Variants in LAMA4 observed in about 807,000 individuals in gnomAD.
LAMA4 encodes laminin subunit alpha-4.
Under a neutral mutation model 207.1 loss-of-function variants are expected in LAMA4, and 127 were observed. The observed-to-expected ratio is 0.61, with a 90% CI of 0.53 to 0.71. LAMA4 has a LOEUF of 0.71. Among genes scored for constraint, LAMA4 ranks in the 30% least tolerant of loss-of-function variants. The pLI is 0.00. For missense variants in LAMA4, 2,093 were observed against 2,246.5 expected (o/e 0.93, Z 1.38); for synonymous variants, 761 against 816.0 (o/e 0.93, Z 1.15).
At chr6:112,197,537 A>G (rs1290782532) in intron 5 of LAMA4, among the ~76,000 whole-genome samples, 1 of 152,236 alleles carries the variant, frequency 6.6e-6, no homozygotes, top group Non-Finnish European at 1.5e-5. Flanking sequence ...AGCTAGGTAG[A>G]AACTCCTTAT....
intron 16 of LAMA4, among the ~76,000 whole-genome samples, chr6:112,152,124 T>C (rs1780438595): frequency 6.6e-6 from 1 of 152,122 alleles, no homozygotes; most frequent in Non-Finnish European, 1.5e-5. Context: ...TTTAATAATA[T>C]CCTTATGTGA....
At position 112,213,075 on chromosome 6, in the gene LAMA4, T is replaced by C. The variant is rs139591824; in HGVS notation, c.297+3293A>G. Reference sequence around the variant, plus strand: ...CATTGTGCCTAGGGTAGGCTGGAAGTTCATCTGGGTGAATTAAATTAATGG... The same window carrying C: ...CATTGTGCCTAGGGTAGGCTGGAAGCTCATCTGGGTGAATTAAATTAATGG... On this transcript the variant is annotated intron_variant, in intron 3 of 38. Coordinates refer to ENST00000230538, the MANE Select transcript of LAMA4 (RefSeq NM_001105206.3). Among the ~76,000 whole-genome samples the C allele has an allele frequency of 2.6e-3, 401 of 152,342 alleles. 2 individuals are homozygous for C. The highest frequency in any genetic ancestry group is 9.2e-3 in the African/African-American group (381 of 41,594).
intron 2 of LAMA4, among the ~76,000 whole-genome samples, chr6:112,249,337 G>T (rs1787249361): frequency 1.3e-5 from 2 of 151,574 alleles, no homozygotes; most frequent in African/African-American, 4.9e-5. Flanking sequence ...CAGCTACTTG[G>T]GAGGCTGAGG....
At chr6:112,216,842 T>A in intron 2 of LAMA4, 1 of 326,462 alleles carries the variant, frequency 3.1e-6, no homozygotes, top group Non-Finnish European at 5.9e-6. Context: ...AATTAAGTAT[T>A]AGTCAGGGTG....
intron 2 of LAMA4, chr6:112,234,644 T>A (rs1785775669): frequency 6.6e-6 from 1 of 150,634 alleles, no homozygotes; most frequent in African/African-American, 2.4e-5. Context: ...CAGATGAAGA[T>A]CTAATGTCAT....
At chr6:112,145,615 C>G (rs1554334380) in intron 18 of LAMA4, among the ~76,000 whole-genome samples, 2 of 152,212 alleles carry the variant, frequency 1.3e-5, no homozygotes, top group African/African-American at 4.8e-5. Context: ...TTTCACCTGT[C>G]TACATCCCTC....
rs1554346970 is a variant in LAMA4 at position 112,187,283 on chromosome 6, A to T, written c.966+167T>A. On this transcript the variant is annotated intron_variant, in intron 8 of 38. Transcript: ENST00000230538. ...AGCTCATAGTTACAATCAACTTTTC[A>T]TAATTTCCTATGAAATTACTTATGT... 6 of 817,500 alleles carry T rather than the reference A, an allele frequency of 7.3e-6. No individual in the cohort carries two copies. The East Asian group carries it at 1.6e-4, about 22-fold the overall frequency. The allele number at this position is 817,500 out of a possible 1,614,324, so 50.6% of individuals were successfully genotyped here.
At chr6:112,130,934 CA>C (rs1554329502) in intron 29 of LAMA4, 33 bp downstream of exon 29, 1 of 1,606,724 alleles carries the variant, frequency 6.2e-7, no homozygotes, top group Non-Finnish European at 8.5e-7. Flanking sequence ...CACAAATAGA[CA>C]TGGTGGAAAG....
At position 112,216,773 on chromosome 6, in the gene LAMA4, T is replaced by C. The variant is rs57283028; in HGVS notation, c.196-304A>G. ...AGAATAAGAAGGTATTACGTAACAG[T>C]AAGGGAGAAAAAAATGCTAATGTTT... On this transcript the variant is annotated intron_variant, in intron 2 of 38. Transcript: ENST00000230538. 8.4e-3 allele frequency: 3,171 copies of C among 377,454 alleles called. 103 individuals are homozygous for C. The highest frequency in any genetic ancestry group is 0.061 in the African/African-American group (2,916 of 48,104). The allele number at this position is 377,454 out of a possible 1,614,324, so 23.4% of individuals were successfully genotyped here.
rs1486353139 is a variant in LAMA4, at chr6:112,153,599, C to A, written c.2056+1252G>T. Among the ~76,000 whole-genome samples, 9 of 152,018 alleles carry A rather than the reference C, an allele frequency of 5.9e-5. 1 individual carries two copies. Among genetic ancestry groups the A allele is most frequent in the African/African-American group, 2.2e-4 (9 of 41,422 alleles). ...ATGACAAGACTGAGAGAATATATTA[C>A]AAGTTATCAAAAAGAATAAAATATT... is the stretch of plus-strand genomic sequence containing the variant. On this transcript the variant is annotated intron_variant, in intron 16 of 38. Transcript: ENST00000230538.
chr6:112,227,348 G>A (rs1174529996), intron 2 of LAMA4, among the ~76,000 whole-genome samples: 2 of 151,942 alleles, frequency 1.3e-5, no homozygotes, highest in South Asian at 2.1e-4. Context: ...GGATTACAGG[G>A]GTGAACCACC....
At position 112,114,204 on chromosome 6, in the gene LAMA4, C is replaced by A. The variant is rs781789940; in HGVS notation, c.5207-9G>T. On this transcript the variant is annotated splice_polypyrimidine_tract_variant and intron_variant, in intron 37 of 38. Coordinates refer to ENST00000230538, the MANE Select transcript of LAMA4 (RefSeq NM_001105206.3). ...ATTAGAATCTCTAATAACTGAAATGCAGGGCAAAGACTGGTCATAAGTGGC... is the reference window on the plus strand; with the variant it reads ...ATTAGAATCTCTAATAACTGAAATGAAGGGCAAAGACTGGTCATAAGTGGC... The A allele has an allele frequency of 6.2e-7, 1 of 1,613,498 alleles. No individual in the cohort carries two copies. Among genetic ancestry groups the A allele is most frequent in the Non-Finnish European group, 8.5e-7 (1 of 1,179,610 alleles).
Position 112,191,845 on chromosome 6 carries a change from G to A in LAMA4, c.509C>T (p.Ala170Val), listed in dbSNP as rs1351676576. 3 of 1,610,444 alleles carry A rather than the reference G, an allele frequency of 1.9e-6. No individual in the cohort carries two copies. The highest frequency in any genetic ancestry group is 1.1e-5 in the South Asian group (1 of 91,022). Reference sequence around the variant, plus strand: ...TAAGGGGTTTCCATAGTAACCGGGAGCACATCTGAAGAGGAATATCACACA... The same window carrying A: ...TAAGGGGTTTCCATAGTAACCGGGAACACATCTGAAGAGGAATATCACACA... ...NYAGPNCERCAPGYYGNPLLI... is the reference protein window; with the variant it reads ...NYAGPNCERCVPGYYGNPLLI... The change falls in exon 6 of 39, where the codon GCT (alanine) becomes GTT (valine). Residue 170 changes from alanine to valine, a missense_variant. Ala to Val is a moderately conservative substitution (Grantham distance 64). Coordinates refer to ENST00000230538, the MANE Select transcript of LAMA4 (RefSeq NM_001105206.3).
intron 9 of LAMA4, chr6:112,179,232 G>A (rs143362449): frequency 4.8e-4 from 73 of 152,224 alleles, no homozygotes; most frequent in African/African-American, 1.7e-3. Flanking sequence ...CTCAAATGTG[G>A]CCTCTGAAGA....
chr6:112,135,054 A>G (rs1779259531), intron 25 of LAMA4, among the ~76,000 whole-genome samples: 1 of 152,184 alleles, frequency 6.6e-6, no homozygotes, highest in South Asian at 2.1e-4. Flanking sequence ...TCATCTTACA[A>G]TCAAGGTAAG....
chr6:112,130,225 A>C (rs1452685075), intron 29 of LAMA4, 185 bp from the exon 30 acceptor site: 1 of 599,562 alleles, frequency 1.7e-6, no homozygotes, highest in Non-Finnish European at 3.0e-6. Flanking sequence ...ATATGCAAAA[A>C]AGATCCTCCA....
At position 112,116,009 on chromosome 6, in the gene LAMA4, C is replaced by T. The variant is rs1178806004; in HGVS notation, c.4982-16G>A. 1.2e-6 allele frequency: 2 copies of T among 1,608,752 alleles called. No individual in the cohort carries two copies. Among genetic ancestry groups the T allele is most frequent in the Non-Finnish European group, 1.7e-6 (2 of 1,175,952 alleles). Reference sequence around the variant, plus strand: ...AAAGATTCATCTGTGGAGAGAAACACTATAAACTCCCAAGAACAGCAAGAT... The same window carrying T: ...AAAGATTCATCTGTGGAGAGAAACATTATAAACTCCCAAGAACAGCAAGAT... On this transcript the variant is annotated splice_polypyrimidine_tract_variant and intron_variant, in intron 35 of 38. Transcript: ENST00000230538.
At chr6:112,241,852 G>A (rs1019315138) in intron 2 of LAMA4, among the ~76,000 whole-genome samples, 7 of 152,178 alleles carry the variant, frequency 4.6e-5, no homozygotes, top group South Asian at 2.1e-4. Flanking sequence ...CCAGCTGGAG[G>A]AAGAGCAATT....
At position 112,114,172 on chromosome 6, in the gene LAMA4, G is replaced by A. The variant is rs1554322478; in HGVS notation, c.5230C>T (p.Gln1744Ter). The change falls in exon 38 of 39, where the codon CAG becomes TAG. Residue 1744 changes from glutamine (Q) to a stop codon, truncating the protein, a stop_gained. Coordinates refer to ENST00000230538, the MANE Select transcript of LAMA4 (RefSeq NM_001105206.3). LOFTEE classifies it high-confidence loss of function. ...TTCACTTCAGAGTCCACATCCAACT[G>A]AACCACATTAGAATCTCTAATAACT... ...ITVIRDSNVV[Q>*]LDVDSEVNHV... The A allele has an allele frequency of 3.7e-6, 6 of 1,613,840 alleles. No homozygotes were observed. Among genetic ancestry groups the A allele is most frequent in the African/African-American group, 1.3e-5 (1 of 75,046 alleles).
Sources: allele counts gnomAD v4.1 joint callset (sites outside exome capture counted in the v4.1 genomes callset), GRCh38; gene constraint gnomAD v4.1.1; transcripts MANE v1.5; gene names NCBI Gene and HGNC (gene_info 2026-07-23, HGNC 2026-07-21).